KLHL7: variants seen among roughly 807,000 people sequenced by gnomAD.
KLHL7 encodes kelch-like protein 7.
A neutral mutation model predicts 67.4 loss-of-function variants in KLHL7; 44 were observed. The ratio of observed to expected loss-of-function variants is 0.65; its 90% CI spans 0.51 to 0.84. KLHL7 has a LOEUF of 0.84. KLHL7 is among the 40% of genes least tolerant of loss of function. The pLI, the probability that KLHL7 is intolerant of heterozygous loss-of-function variation, is 0.00. For synonymous variants in KLHL7, 252 were observed against 243.3 expected, an observed-to-expected ratio of 1.04 and a Z score of -0.33; for missense variants, 362 against 718.1, an observed-to-expected ratio of 0.50 and a Z score of 5.67.
intron 6 of KLHL7, among the ~76,000 whole-genome samples, chr7:23,145,932 A>G (rs1208545854): frequency 1.3e-5 from 2 of 152,106 alleles, no homozygotes; most frequent in Non-Finnish European, 2.9e-5. Flanking sequence ...ATGTCTCGCT[A>G]TCTTGTTCAG....
At chr7:23,132,549 T>C (rs1783839319) in intron 4 of KLHL7, among the ~76,000 whole-genome samples, 1 of 152,220 alleles carries the variant, frequency 6.6e-6, no homozygotes, top group African/African-American at 2.4e-5. Flanking sequence ...TATTAATCCT[T>C]TGTCAGATGA....
At chr7:23,109,188 C>T (rs1267877275) in intron 1 of KLHL7, among the ~76,000 whole-genome samples, 2 of 152,186 alleles carry the variant, frequency 1.3e-5, no homozygotes, top group African/African-American at 4.8e-5. Context: ...GCTCCGCATC[C>T]CTGCCATCAC....
At chr7:23,136,062 A>T (rs931676725) in intron 4 of KLHL7, among the ~76,000 whole-genome samples, 2 of 152,176 alleles carry the variant, frequency 1.3e-5, no homozygotes, top group Admixed American at 1.3e-4. Flanking sequence ...TTCTGCTGCC[A>T]TGAGAAGAAG....
chr7:23,130,113 C>T (rs900400335), intron 4 of KLHL7, among the ~76,000 whole-genome samples: 7 of 152,138 alleles, frequency 4.6e-5, no homozygotes, highest in African/African-American at 1.7e-4. Context: ...TCAAAAACAT[C>T]ATTGGTGTCT....
In KLHL7 at chr7:23,128,561, A is replaced by G. The variant is rs148078222; in HGVS notation, c.442+3389A>G. Among the ~76,000 whole-genome samples, 770 of 152,290 alleles carry G rather than the reference A, an allele frequency of 5.1e-3. 1 individual carries two copies. Among genetic ancestry groups the G allele is most frequent in the Non-Finnish European group, 7.3e-3 (497 of 68,020 alleles). The stretch of plus-strand genomic sequence containing the variant: ...GATATTTTTCACCTTCAAAGATCAA[A>G]AGAGAGCTTACATTTGGGGTGATAA... On this transcript the variant is annotated intron_variant, in intron 4 of 10. Coordinates refer to ENST00000339077, the MANE Select transcript of KLHL7 (RefSeq NM_001031710.3).
At chr7:23,135,699 A>G (rs1268031228) in intron 4 of KLHL7, among the ~76,000 whole-genome samples, 36 of 152,268 alleles carry the variant, frequency 2.4e-4, no homozygotes, top group Non-Finnish European at 2.9e-5. Flanking sequence ...CACAGGGCCT[A>G]CTCTGTCCCG....
At chr7:23,109,408 T>G (rs1173645428) in intron 1 of KLHL7, among the ~76,000 whole-genome samples, 1 of 152,262 alleles carries the variant, frequency 6.6e-6, no homozygotes, top group East Asian at 1.9e-4. Context: ...ACTCTTCTTT[T>G]GTGTTAATGA....
chr7:23,164,418 A>G (rs1784940479), intron 7 of KLHL7, among the ~76,000 whole-genome samples: 1 of 152,192 alleles, frequency 6.6e-6, no homozygotes, highest in African/African-American at 2.4e-5. Context: ...TTCCCTGTAC[A>G]ATATGATCAT....
chr7:23,136,296 A>G (rs193100897), intron 4 of KLHL7, among the ~76,000 whole-genome samples: 4 of 152,356 alleles, frequency 2.6e-5, no homozygotes, highest in Non-Finnish European at 5.9e-5. Context: ...TGAGAAAAGT[A>G]TTAGAAGTAC....
At chr7:23,137,069 G>A (rs988463931) in intron 4 of KLHL7, among the ~76,000 whole-genome samples, 1 of 152,188 alleles carries the variant, frequency 6.6e-6, no homozygotes, top group African/African-American at 2.4e-5. Flanking sequence ...CGGATCACCT[G>A]AGGTCAGGAG....
intron 9 of KLHL7, among the ~76,000 whole-genome samples, chr7:23,169,729 G>A (rs1785100982): frequency 6.6e-6 from 1 of 151,930 alleles, no homozygotes; most frequent in South Asian, 2.1e-4. Flanking sequence ...TTAAAACTAG[G>A]TGAATATTCA....
At chr7:23,155,828 A>G (rs1163611927) in intron 7 of KLHL7, among the ~76,000 whole-genome samples, 1 of 152,242 alleles carries the variant, frequency 6.6e-6, no homozygotes, top group Non-Finnish European at 1.5e-5. Context: ...TTTAAAATAA[A>G]GTAGATGGCT....
At chr7:23,168,184 G>C in intron 9 of KLHL7, 147 bp downstream of exon 9, 2 of 714,402 alleles carry the variant, frequency 2.8e-6, no homozygotes, top group Non-Finnish European at 4.8e-6. Flanking sequence ...AGGGTCAGTG[G>C]CATATTTATG....
intron 4 of KLHL7, among the ~76,000 whole-genome samples, chr7:23,127,562 C>A (rs956308076): frequency 3.9e-5 from 6 of 152,082 alleles, no homozygotes; most frequent in Non-Finnish European, 7.3e-5. Flanking sequence ...CCTGTCAATT[C>A]TCTGCTGCCC....
In KLHL7 at chr7:23,144,045, ATTTATAACCT is replaced by A. The variant is rs1246186725; in HGVS notation, c.793+21_793+30del. 1 of 1,601,302 alleles carries A rather than the reference ATTTATAACCT, an allele frequency of 6.2e-7. No homozygotes were observed. Among genetic ancestry groups the A allele is most frequent in the Middle Eastern group, 1.9e-4 (1 of 5,386 alleles). The stretch of plus-strand genomic sequence containing the variant: ...TGATAAGTAAGTTGCCTTAATAACC[ATTTATAACCT>A]GATCATGTAGCCAGTTTCTCATGGG... On this transcript the variant is annotated intron_variant, in intron 6 of 10. Coordinates refer to ENST00000339077, the MANE Select transcript of KLHL7 (RefSeq NM_001031710.3).
chr7:23,174,533 A>C lies in KLHL7; in HGVS notation c.*235A>C, dbSNP rs1284047529. On this transcript the variant is annotated 3_prime_UTR_variant, in exon 11 of 11. Coordinates refer to ENST00000339077, the MANE Select transcript of KLHL7 (RefSeq NM_001031710.3). ...TAGCAAGAAAACTTGAAAAAGTATA[A>C]GCATTTGTTAAAAATGTGAATTTCT... 1 of 645,794 alleles carries C rather than the reference A, an allele frequency of 1.5e-6. No homozygotes were observed. The highest frequency in any genetic ancestry group is 3.1e-5 in the East Asian group (1 of 32,092). 40.0% of individuals were successfully genotyped at this position (645,794 alleles called of 1,614,324 possible).
chr7:23,118,827 T>G (rs893354680), intron 1 of KLHL7, among the ~76,000 whole-genome samples: 6 of 152,090 alleles, frequency 3.9e-5, no homozygotes, highest in African/African-American at 1.4e-4. Context: ...ATCCCTATAC[T>G]TTGAGAGGCC....
chr7:23,147,744 T>C (rs917098604), intron 6 of KLHL7, among the ~76,000 whole-genome samples: 1 of 152,168 alleles, frequency 6.6e-6, no homozygotes. Flanking sequence ...CAGGACTACT[T>C]TGAGTTTTCT....
intron 6 of KLHL7, among the ~76,000 whole-genome samples, chr7:23,150,795 A>T (rs2128466594): frequency 6.6e-6 from 1 of 152,266 alleles, no homozygotes; most frequent in East Asian, 1.9e-4. Context: ...AGGCAGTTTG[A>T]TCTTGGCCAA....
Sources: allele counts gnomAD v4.1 joint callset (sites outside exome capture counted in the v4.1 genomes callset), GRCh38; gene constraint gnomAD v4.1.1; transcripts MANE v1.5; gene names NCBI Gene and HGNC (gene_info 2026-07-23, HGNC 2026-07-21).